NLK: variants seen among roughly 807,000 people sequenced by gnomAD.
The protein encoded by NLK is nemo like kinase, also known as serine/threonine-protein kinase NLK.
In NLK, 11 loss-of-function variants were observed where a neutral mutation model predicts 59.0. That is an observed-to-expected ratio of 0.19 (90% CI 0.12 to 0.31). NLK has a LOEUF of 0.31. NLK is among the 10% of genes least tolerant of loss of function. The pLI is 1.00. For synonymous variants in NLK, 235 were observed against 235.9 expected (o/e 1.00, Z 0.03); for missense variants, 410 against 661.1 (o/e 0.62, Z 4.16).
intron 3 of NLK, among the ~76,000 whole-genome samples, chr17:28,145,180 A>G (rs1470872318): frequency 1.3e-5 from 2 of 152,194 alleles, no homozygotes; most frequent in African/African-American, 4.8e-5. Flanking sequence ...TTTTTTTACC[A>G]AAGAAAATAT....
At chr17:28,061,806 TATAC>T (rs1909652332) in intron 1 of NLK, among the ~76,000 whole-genome samples, 1 of 146,208 alleles carries the variant, frequency 6.8e-6, no homozygotes, top group Admixed American at 7.0e-5. Context: ...CATATATACA[TATAC>T]ATATATAATA....
chr17:28,124,866 G>A (rs1408032883), intron 2 of NLK, among the ~76,000 whole-genome samples: 3 of 151,906 alleles, frequency 2.0e-5, no homozygotes, highest in Admixed American at 6.6e-5. Flanking sequence ...CTTGGGCAAC[G>A]CTGCAAAACC....
intron 1 of NLK, among the ~76,000 whole-genome samples, chr17:28,052,661 A>G (rs970818268): frequency 3.3e-5 from 5 of 152,218 alleles, no homozygotes; most frequent in Non-Finnish European, 4.4e-5. Flanking sequence ...AACAGGTGAC[A>G]TTAATTTTAG....
intron 1 of NLK, among the ~76,000 whole-genome samples, chr17:28,072,537 AG>A (rs933421673): frequency 6.6e-6 from 1 of 152,024 alleles, no homozygotes; most frequent in African/African-American, 2.4e-5. Context: ...TGTGTTGCCC[AG>A]GCTGGTCTCA....
intron 3 of NLK, among the ~76,000 whole-genome samples, chr17:28,160,745 T>C (rs1171691584): frequency 1.3e-5 from 2 of 152,224 alleles, no homozygotes; most frequent in African/African-American, 4.8e-5. Flanking sequence ...GGATAGGTTG[T>C]GATCTTTTCC....
At chr17:28,136,086 G>T (rs565519488) in intron 3 of NLK, among the ~76,000 whole-genome samples, 1 of 152,102 alleles carries the variant, frequency 6.6e-6, no homozygotes, top group Non-Finnish European at 1.5e-5. Context: ...AAAATTGTTC[G>T]CAGATGTTTA....
At chr17:28,193,642 A>G (rs931078098) in intron 10 of NLK, among the ~76,000 whole-genome samples, 1 of 152,178 alleles carries the variant, frequency 6.6e-6, no homozygotes, top group Admixed American at 6.6e-5. Context: ...CACAGTCTCT[A>G]TCTTCCCCGC....
At chr17:28,125,936 G>A (rs1906273425) in intron 2 of NLK, among the ~76,000 whole-genome samples, 2 of 152,302 alleles carry the variant, frequency 1.3e-5, no homozygotes, top group South Asian at 4.1e-4. Context: ...TTACTTTGTA[G>A]AGGAGGAACC....
chr17:28,077,174 T>G (rs539547752), intron 1 of NLK, among the ~76,000 whole-genome samples: 25 of 146,860 alleles, frequency 1.7e-4, no homozygotes, highest in African/African-American at 6.2e-4. Context: ...GTTTGCCACC[T>G]GTATTAGTCC....
intron 1 of NLK, among the ~76,000 whole-genome samples, chr17:28,046,107 T>A (rs1356156699): frequency 6.6e-6 from 1 of 152,214 alleles, no homozygotes; most frequent in Non-Finnish European, 1.5e-5. Context: ...GCTAAAAAAG[T>A]GGCATGCAAT....
intron 8 of NLK, among the ~76,000 whole-genome samples, chr17:28,186,594 G>A (rs1044135102): frequency 2.0e-5 from 3 of 151,920 alleles, no homozygotes; most frequent in African/African-American, 7.3e-5. Flanking sequence ...CACAATCATG[G>A]CGGGAGGTGA....
intron 1 of NLK, among the ~76,000 whole-genome samples, chr17:28,044,216 A>C (rs1482489031): frequency 6.6e-6 from 1 of 152,232 alleles, no homozygotes; most frequent in Non-Finnish European, 1.5e-5. Flanking sequence ...GTTTGTTCCT[A>C]TCAAAACTAG....
downstream of NLK, among the ~76,000 whole-genome samples, chr17:28,200,803 T>A (rs544315449): frequency 6.4e-3 from 967 of 150,434 alleles, 4 homozygotes; most frequent in Non-Finnish European, 1.0e-2. Flanking sequence ...TTAAAAAAAA[T>A]TTTTTTTTTT....
At chr17:28,092,647 A>G (rs1028984579) in intron 1 of NLK, among the ~76,000 whole-genome samples, 2 of 152,188 alleles carry the variant, frequency 1.3e-5, no homozygotes, top group Admixed American at 6.5e-5. Flanking sequence ...CTCCCCTTCA[A>G]CAGTCACCTA....
intron 1 of NLK, among the ~76,000 whole-genome samples, chr17:28,106,576 A>C (rs1015189003): frequency 6.6e-6 from 1 of 152,224 alleles, no homozygotes; most frequent in Non-Finnish European, 1.5e-5. Context: ...ATAAATTTTT[A>C]AGAGAATGAA....
At chr17:28,087,798 T>C (rs1334831461) in intron 1 of NLK, among the ~76,000 whole-genome samples, 1 of 152,198 alleles carries the variant, frequency 6.6e-6, no homozygotes. Context: ...GCTTGGATGA[T>C]TTCTAAGATT....
intron 3 of NLK, among the ~76,000 whole-genome samples, chr17:28,152,338 T>G (rs1907515754): frequency 1.3e-5 from 2 of 152,218 alleles, no homozygotes; most frequent in South Asian, 2.1e-4. Flanking sequence ...GTTTATAAAT[T>G]TATAAGTCAA....
intron 1 of NLK, among the ~76,000 whole-genome samples, chr17:28,093,230 T>C (rs1904571764): frequency 6.6e-6 from 1 of 152,174 alleles, no homozygotes; most frequent in Non-Finnish European, 1.5e-5. Context: ...TTTCCTTTCT[T>C]TGAAATATTC....
rs1908107040 is a variant in NLK at position 28,163,748 on chromosome 17, A to T, written c.837+120A>T. On this transcript the variant is annotated intron_variant, in intron 5 of 10. Transcript: ENST00000407008. Reference sequence around the variant, plus strand: ...CCATTACTTTACCAAAAGTTAACCCAGTTTTCTCCATATCACTACTCATAG... The same window carrying T: ...CCATTACTTTACCAAAAGTTAACCCTGTTTTCTCCATATCACTACTCATAG... The T allele has an allele frequency of 4.8e-6, 3 of 626,430 alleles. 1 individual carries two copies. In the Admixed American group the frequency reaches 8.8e-5, roughly 18 times the overall value. The allele number at this position is 626,430 out of a possible 1,614,324, so 38.8% of individuals were successfully genotyped here. A position where few individuals can be genotyped will look rare whatever the true frequency, so the allele number is the denominator to read the frequency against.
Sources: allele counts gnomAD v4.1 joint callset (sites outside exome capture counted in the v4.1 genomes callset), GRCh38; gene constraint gnomAD v4.1.1; transcripts MANE v1.5; gene names NCBI Gene and HGNC (gene_info 2026-07-23, HGNC 2026-07-21).